PAPPA2: variants seen among roughly 807,000 people sequenced by gnomAD.
PAPPA2 encodes pappalysin 2, also known as pappalysin-2.
In PAPPA2, 86 loss-of-function variants were observed where a neutral mutation model predicts 176.4. The ratio of observed to expected loss-of-function variants is 0.49; its 90% CI spans 0.41 to 0.58. The LOEUF (loss-of-function observed/expected upper bound fraction) is 0.58. PAPPA2 is among the 20% of genes least tolerant of loss of function. The pLI is 0.00. For synonymous variants in PAPPA2, 809 were observed against 852.2 expected (o/e 0.95, Z 0.88); for missense variants, 2,073 against 2,256.9 (o/e 0.92, Z 1.65).
intron 4 of PAPPA2, among the ~76,000 whole-genome samples, chr1:176,681,787 A>G (rs1659596694): frequency 6.6e-6 from 1 of 152,134 alleles, no homozygotes; most frequent in African/African-American, 2.4e-5. Context: ...ATCTGCTTGC[A>G]ATGGTAGAAC....
chr1:176,490,624 T>C (rs1647237359), intron 1 of PAPPA2, among the ~76,000 whole-genome samples: 1 of 152,196 alleles, frequency 6.6e-6, no homozygotes, highest in Non-Finnish European at 1.5e-5. Context: ...CCTTCAGGGA[T>C]GCAGACTCCA....
Position 176,621,591 on chromosome 1 carries a change from G to T in PAPPA2, c.1991+25996G>T, listed in dbSNP as rs1176770594. Among the ~76,000 whole-genome samples the T allele has an allele frequency of 2.0e-5, 3 of 152,130 alleles. No individual in the cohort carries two copies. The East Asian group carries it at 5.8e-4, about 29-fold the overall frequency. Reference sequence around the variant, plus strand: ...ACAAAAAGAGAAAGAACGCAATGGTGGTTGTTTTTGACAAAGCCAATTTCT... The same window carrying T: ...ACAAAAAGAGAAAGAACGCAATGGTTGTTGTTTTTGACAAAGCCAATTTCT... On this transcript the variant is annotated intron_variant, in intron 3 of 22. Coordinates refer to ENST00000367662, the MANE Select transcript of PAPPA2 (RefSeq NM_020318.3).
At chr1:176,557,465 A>G (rs1651390366) in intron 2 of PAPPA2, among the ~76,000 whole-genome samples, 1 of 152,190 alleles carries the variant, frequency 6.6e-6, no homozygotes, top group South Asian at 2.1e-4. Context: ...TGTACCTTGT[A>G]TTGATCTCAT....
intron 14 of PAPPA2, among the ~76,000 whole-genome samples, chr1:176,752,337 T>A (rs1571272789): frequency 2.2e-5 from 2 of 89,868 alleles, no homozygotes; most frequent in Non-Finnish European, 2.1e-5. Context: ...AAACTTAGAG[T>A]ATAATAAAAA....
At chr1:176,750,652 A>G (rs567831360) in intron 14 of PAPPA2, among the ~76,000 whole-genome samples, 1 of 152,292 alleles carries the variant, frequency 6.6e-6, no homozygotes, top group Admixed American at 6.5e-5. Flanking sequence ...AACAACAAAC[A>G]ATTAGCACGT....
intron 1 of PAPPA2, among the ~76,000 whole-genome samples, chr1:176,532,762 G>GT: frequency 6.6e-6 from 1 of 152,316 alleles, no homozygotes; most frequent in Non-Finnish European, 1.5e-5. Flanking sequence ...GTCATGTCAT[G>GT]TTTTTTATGT....
chr1:176,467,682 T>C (rs887465696), intron 1 of PAPPA2, among the ~76,000 whole-genome samples: 3 of 152,212 alleles, frequency 2.0e-5, no homozygotes, highest in African/African-American at 7.2e-5. Context: ...GTTTCACAAA[T>C]GGTCCCAAGT....
intron 1 of PAPPA2, among the ~76,000 whole-genome samples, chr1:176,542,502 TC>T (rs1650417079): frequency 6.6e-6 from 1 of 152,224 alleles, no homozygotes; most frequent in African/African-American, 2.4e-5. Flanking sequence ...GCCTGTGCTG[TC>T]TGATGCCACA....
intron 12 of PAPPA2, among the ~76,000 whole-genome samples, chr1:176,734,025 C>G (rs1386099260): frequency 6.6e-6 from 1 of 151,978 alleles, no homozygotes; most frequent in African/African-American, 2.4e-5. Context: ...GAGGTTTTTT[C>G]CCCCCTCTGA....
At chr1:176,791,286 T>C in intron 18 of PAPPA2, 61 bp from the exon 19 acceptor site, 1 of 1,497,394 alleles carries the variant, frequency 6.7e-7, no homozygotes. Flanking sequence ...CAGACCACTT[T>C]TTTCAACTCT....
At position 176,556,766 on chromosome 1, in the gene PAPPA2, C is replaced by T. The variant is rs1324203043; in HGVS notation, c.444C>T (p.Leu148=). 3.1e-6 allele frequency: 5 copies of T among 1,614,060 alleles called. No individual in the cohort carries two copies. Among genetic ancestry groups the T allele is most frequent in the Non-Finnish European group, 3.4e-6 (4 of 1,179,994 alleles). Reference sequence around the variant, plus strand: ...TGCTGGGAGATGATGACGCTTATCTCGGCAATCAAAGATCCAAGGAGTCTC... The same window carrying T: ...TGCTGGGAGATGATGACGCTTATCTTGGCAATCAAAGATCCAAGGAGTCTC... ...SELLGDDDAY[L]GNQRSKESLG... Residue 148 remains leucine (L), a synonymous_variant, in exon 2 of 23, where the codon CTC becomes CTT. Transcript: ENST00000367662.
intron 1 of PAPPA2, among the ~76,000 whole-genome samples, chr1:176,514,141 G>A (rs1387916409): frequency 6.6e-6 from 1 of 152,202 alleles, no homozygotes; most frequent in African/African-American, 2.4e-5. Flanking sequence ...TCACAGTTCT[G>A]CAGAAGGTAC....
At chr1:176,749,071 A>ATCATACACATATTTGACCACGTTGGTGG (rs71129583) in intron 14 of PAPPA2, among the ~76,000 whole-genome samples, 3 of 151,410 alleles carry the variant, frequency 2.0e-5, no homozygotes, top group Admixed American at 1.3e-4. Context: ...TCCAGTATCT[A>ATCATACACATATTTGACCACGTTGGTGG]TCATACACAT....
intron 12 of PAPPA2, among the ~76,000 whole-genome samples, chr1:176,712,227 AT>A (rs1661180589): frequency 6.6e-6 from 1 of 152,188 alleles, no homozygotes; most frequent in African/African-American, 2.4e-5. Context: ...AAAATCAGAA[AT>A]GCATAATAGC....
intron 14 of PAPPA2, among the ~76,000 whole-genome samples, chr1:176,747,991 A>G (rs1377511375): frequency 6.6e-6 from 1 of 152,216 alleles, no homozygotes; most frequent in Non-Finnish European, 1.5e-5. Context: ...CAAAGCCAAC[A>G]AGACAAAGAG....
chr1:176,663,394 T>A (rs1192348957), intron 3 of PAPPA2, among the ~76,000 whole-genome samples: 1 of 152,190 alleles, frequency 6.6e-6, no homozygotes, highest in Non-Finnish European at 1.5e-5. Context: ...GTCTGAAAGA[T>A]CACACTTGCT....
chr1:176,634,143 C>T (rs1025510929), intron 3 of PAPPA2, among the ~76,000 whole-genome samples: 16 of 152,142 alleles, frequency 1.1e-4, no homozygotes, highest in African/African-American at 3.9e-4. Context: ...CACATGCACA[C>T]GTATGTTTAT....
At chr1:176,735,692 CTA>C in intron 12 of PAPPA2, among the ~76,000 whole-genome samples, 1 of 122,146 alleles carries the variant, frequency 8.2e-6, no homozygotes, top group African/African-American at 3.0e-5. Context: ...ATCTATCTAT[CTA>C]TCTATCTATC....
chr1:176,800,174 A>G (rs767319122), intron 21 of PAPPA2, 42 bp downstream of exon 21: 9 of 1,595,956 alleles, frequency 5.6e-6, no homozygotes, highest in Non-Finnish European at 7.7e-6. Context: ...TAGAGAACTC[A>G]GGTGGATTTA....
Sources: allele counts gnomAD v4.1 joint callset (sites outside exome capture counted in the v4.1 genomes callset), GRCh38; gene constraint gnomAD v4.1.1; transcripts MANE v1.5; gene names NCBI Gene and HGNC (gene_info 2026-07-23, HGNC 2026-07-21).